Variants in EDA observed in about 807,000 individuals in gnomAD.
EDA encodes the protein ectodysplasin-A.
EDA carries 2 observed loss-of-function variants against 23.6 expected under a neutral mutation model. That is an observed-to-expected ratio of 0.08 (90% confidence interval 0.03 to 0.27). The LOEUF is 0.27. Ranked by LOEUF, EDA falls within the 10% of genes least tolerant of loss-of-function variation. The pLI is 1.00. For synonymous variants in EDA, 131 were observed against 132.0 expected (o/e 0.99, Z 0.05); for missense variants, 229 against 324.2 (o/e 0.71, Z 2.26).
intron 1 of EDA, among the ~76,000 whole-genome samples, chrX:69,853,964 T>A (rs758380265): frequency 1.8e-5 from 2 of 111,807 alleles, no homozygotes; most frequent in Non-Finnish European, 3.8e-5. Context: ...CTATAGGTCA[T>A]AGTTTGCTTA....
intron 1 of EDA, among the ~76,000 whole-genome samples, chrX:69,647,188 T>C (rs187372765): frequency 9.0e-6 from 1 of 111,250 alleles, no homozygotes; most frequent in East Asian, 2.8e-4. Context: ...GATCTTCTCA[T>C]GGAGTATCTT....
At chrX:69,703,117 G>A (rs777518572) in intron 1 of EDA, among the ~76,000 whole-genome samples, 24 of 111,292 alleles carry the variant, frequency 2.2e-4, no homozygotes, top group East Asian at 5.7e-4. Context: ...TGCCTTTTTC[G>A]TTCCTGGAAT....
intron 1 of EDA, among the ~76,000 whole-genome samples, chrX:69,679,404 T>C (rs1440328882): frequency 1.8e-5 from 2 of 110,886 alleles, no homozygotes; most frequent in Non-Finnish European, 3.8e-5. Flanking sequence ...ATGGTACGAG[T>C]TCCTCCTCGT....
chrX:69,617,163 G>T (rs1932000578), intron 1 of EDA: 1 of 195,562 alleles, frequency 5.1e-6, no homozygotes, highest in Non-Finnish European at 1.0e-5. Context: ...ACGCCCGCCC[G>T]TTGAAACAAC....
chrX:69,830,668 G>C (rs1380662557), intron 1 of EDA, among the ~76,000 whole-genome samples: 1 of 112,083 alleles, frequency 8.9e-6, no homozygotes, highest in Non-Finnish European at 1.9e-5. Flanking sequence ...GTATCTTTTA[G>C]GGATCATGGA....
At chrX:69,669,902 T>C (rs1406478187) in intron 1 of EDA, among the ~76,000 whole-genome samples, 1 of 112,098 alleles carries the variant, frequency 8.9e-6, no homozygotes, top group African/African-American at 3.2e-5. Context: ...TTTTGACTTA[T>C]AACCATACTA....
intron 1 of EDA, among the ~76,000 whole-genome samples, chrX:69,835,879 A>G (rs2016759577): frequency 9.0e-6 from 1 of 111,444 alleles, no homozygotes; most frequent in African/African-American, 3.3e-5. Flanking sequence ...GATGTTGGTG[A>G]CCTACAGATG....
At chrX:69,655,285 T>A (rs1653930901) in intron 1 of EDA, among the ~76,000 whole-genome samples, 1 of 110,578 alleles carries the variant, frequency 9.0e-6, no homozygotes, top group Non-Finnish European at 1.9e-5. Context: ...TCCCAGCTAC[T>A]CGGGAGGCTG....
At chrX:70,005,417 A>G (rs1279178578) in intron 2 of EDA, among the ~76,000 whole-genome samples, 1 of 111,054 alleles carries the variant, frequency 9.0e-6, no homozygotes, top group Non-Finnish European at 1.9e-5. Flanking sequence ...TTTTTATTGA[A>G]CAGCTACTAT....
At chrX:69,832,327 G>T (rs1453498364) in intron 1 of EDA, among the ~76,000 whole-genome samples, 4 of 111,497 alleles carry the variant, frequency 3.6e-5, no homozygotes, top group Non-Finnish European at 7.5e-5. Flanking sequence ...TTGTCAAATT[G>T]TCAAAGATCA....
chrX:69,946,352 A>G (rs2018833902), intron 1 of EDA, among the ~76,000 whole-genome samples: 1 of 111,128 alleles, frequency 9.0e-6, no homozygotes, highest in Non-Finnish European at 1.9e-5. Context: ...CATTCCTGTG[A>G]GCCAGTCCTG....
chrX:69,831,244 C>A (rs1183354079), intron 1 of EDA, among the ~76,000 whole-genome samples: 2 of 111,340 alleles, frequency 1.8e-5, no homozygotes, highest in Non-Finnish European at 1.9e-5. Flanking sequence ...GTGTGATGTT[C>A]CCCACTCTGT....
intron 1 of EDA, among the ~76,000 whole-genome samples, chrX:69,673,450 G>A (rs1305532091): frequency 1.8e-5 from 2 of 111,441 alleles, no homozygotes; most frequent in Admixed American, 9.6e-5. Context: ...ATGGAAGGAT[G>A]AGGTCATTGG....
intron 1 of EDA, among the ~76,000 whole-genome samples, chrX:69,676,446 CTT>C (rs752643224): frequency 4.3e-4 from 47 of 110,394 alleles, no homozygotes; most frequent in Non-Finnish European, 7.8e-4. Flanking sequence ...TCAAGGATGT[CTT>C]TGAGATTTTG....
chrX:69,667,348 C>T (rs5936718), intron 1 of EDA, among the ~76,000 whole-genome samples: 589 of 109,853 alleles, frequency 5.4e-3, no homozygotes, highest in Non-Finnish European at 8.6e-3. Context: ...CTCCTGATCT[C>T]GTGATCCTCC....
At chrX:69,871,424 C>G (rs1358343139) in intron 1 of EDA, among the ~76,000 whole-genome samples, 1 of 111,458 alleles carries the variant, frequency 9.0e-6, no homozygotes, top group African/African-American at 3.3e-5. Context: ...GGAGAGCCAG[C>G]CTGAGTCCCA....
intron 1 of EDA, among the ~76,000 whole-genome samples, chrX:69,888,977 GTTATATATATATATATATATAT>G (rs1468103233): frequency 1.1e-3 from 14 of 13,238 alleles, no homozygotes; most frequent in Admixed American, 4.5e-3. Flanking sequence ...TTGTGGGGTA[GTTATATATATATATATATATAT>G]ATATATATAT....
At chrX:69,890,766 A>C (rs1048105890) in intron 1 of EDA, among the ~76,000 whole-genome samples, 2 of 111,787 alleles carry the variant, frequency 1.8e-5, no homozygotes, top group Non-Finnish European at 3.8e-5. Context: ...TGAATTAAAG[A>C]CTTAAATGTA....
intron 2 of EDA, among the ~76,000 whole-genome samples, chrX:70,014,558 A>G (rs937106503): frequency 5.3e-5 from 6 of 112,428 alleles, no homozygotes; most frequent in Non-Finnish European, 9.4e-5. Context: ...ATGTACCGGT[A>G]TCCAGCAAGA....
Sources: gnomAD v4.1 joint callset for allele counts (sites outside exome capture counted in the v4.1 genomes callset) on GRCh38, gnomAD v4.1.1 for gene constraint, MANE v1.5 for transcripts, NCBI Gene and HGNC (gene_info 2026-07-23, HGNC 2026-07-21) for gene names.